MRPL35: variants seen among roughly 807,000 people sequenced by gnomAD.
MRPL35 encodes large ribosomal subunit protein bL35m.
In MRPL35, 18 loss-of-function variants were observed where a neutral mutation model predicts 21.6. That is an observed-to-expected ratio of 0.83 (90% confidence interval 0.58 to 1.24). The LOEUF (loss-of-function observed/expected upper bound fraction) is 1.24. Among genes scored for constraint, MRPL35 ranks in the 50% most tolerant of loss-of-function variants. The pLI, the probability that MRPL35 is intolerant of heterozygous loss-of-function variation, is 0.00. For missense variants in MRPL35, 223 were observed against 223.2 expected (o/e 1.00, Z 0.01); for synonymous variants, 87 against 86.9 (o/e 1.00, Z -0.01).
At chr2:86,201,809 C>T (rs540346929) in intron 1 of MRPL35, among the ~76,000 whole-genome samples, 1 of 152,326 alleles carries the variant, frequency 6.6e-6, no homozygotes, top group African/African-American at 2.4e-5. Flanking sequence ...GTCACAGTCT[C>T]CTCCACTCCC....
chr2:86,208,103 A>C (rs1673837694), intron 3 of MRPL35, among the ~76,000 whole-genome samples: 1 of 152,194 alleles, frequency 6.6e-6, no homozygotes, highest in South Asian at 2.1e-4. Flanking sequence ...CCCGTTTTAT[A>C]AACAGTACTA....
intron 1 of MRPL35, among the ~76,000 whole-genome samples, chr2:86,204,855 A>G (rs1673760885): frequency 6.6e-6 from 1 of 152,260 alleles, no homozygotes; most frequent in Non-Finnish European, 1.5e-5. Context: ...CAAGTTGAAA[A>G]AAAGTATAAC....
At position 86,212,600 on chromosome 2, in the gene MRPL35, C is replaced by CT. The variant is rs1422316421; in HGVS notation, c.*1933dup. On this transcript the variant is annotated 3_prime_UTR_variant, in exon 4 of 4. Transcript: ENST00000337109. The stretch of plus-strand genomic sequence containing the variant: ...TTGCAAATATGGATGACAAGGGTCT[C>CT]TGTTACAGGGGCCTCAGAGCACCTT... 3.5e-6 allele frequency: 5 copies of CT among 1,439,384 alleles called. No individual in the cohort carries two copies. The highest frequency in any genetic ancestry group is 1.5e-5 in the South Asian group (1 of 65,464). The allele number at this position is 1,439,384 out of a possible 1,614,324, so 89.2% of individuals were successfully genotyped here.
Position 86,210,732 on chromosome 2 carries a change from A to G in MRPL35, c.*64A>G. The G allele has an allele frequency of 6.7e-7, 1 of 1,500,306 alleles. No homozygotes were observed. 92.9% of individuals were successfully genotyped at this position (1,500,306 alleles called of 1,614,324 possible). On this transcript the variant is annotated 3_prime_UTR_variant, in exon 4 of 4. Coordinates refer to ENST00000337109, the MANE Select transcript of MRPL35 (RefSeq NM_016622.4). ...ATCTTTGTGTACATATCTTTGCAAA[A>G]ATGGATAAGTACAAAACTTGATGTA...
At chr2:86,202,362 C>T (rs1159082141) in intron 1 of MRPL35, among the ~76,000 whole-genome samples, 2 of 152,178 alleles carry the variant, frequency 1.3e-5, no homozygotes, top group Non-Finnish European at 2.9e-5. Flanking sequence ...ATTAACAAGC[C>T]ATTGTTCCCA....
At chr2:86,206,053 A>G in intron 1 of MRPL35, 53 bp from the exon 2 acceptor site, 1 of 1,421,332 alleles carries the variant, frequency 7.0e-7, no homozygotes, top group African/African-American at 1.4e-5. Context: ...TTAATTTTTA[A>G]TATCTGGATG....
chr2:86,209,064 G>A (rs1211539392), intron 3 of MRPL35, among the ~76,000 whole-genome samples: 1 of 152,034 alleles, frequency 6.6e-6, no homozygotes, highest in Admixed American at 6.5e-5. Context: ...AATAAATTAG[G>A]TGTTTGTACG....
chr2:86,208,141 ACT>A (rs747502317), intron 3 of MRPL35, among the ~76,000 whole-genome samples: 1 of 151,970 alleles, frequency 6.6e-6, no homozygotes, highest in South Asian at 2.1e-4. Flanking sequence ...GTTGGTTGGA[ACT>A]CTCAGCTCAT....
intron 3 of MRPL35, among the ~76,000 whole-genome samples, chr2:86,209,484 A>C (rs561082719): frequency 6.6e-6 from 1 of 152,176 alleles, no homozygotes; most frequent in Non-Finnish European, 1.5e-5. Context: ...TAATCAATCA[A>C]ATTTTCCTTT....
chr2:86,213,427 C>A lies in MRPL35; in HGVS notation c.*2759C>A. 7.8e-7 allele frequency: 1 copy of A among 1,285,154 alleles called. No individual in the cohort carries two copies. The allele number at this position is 1,285,154 out of a possible 1,614,324, so 79.6% of individuals were successfully genotyped here. The stretch of plus-strand genomic sequence containing the variant: ...CTTTTCTTACTGCTGCTTTATTTTA[C>A]AGTGATTTTGTCAAACATAGAATAC... On this transcript the variant is annotated 3_prime_UTR_variant, in exon 4 of 4. Coordinates refer to ENST00000337109, the MANE Select transcript of MRPL35 (RefSeq NM_016622.4).
rs757145763 is a variant in MRPL35 at position 86,213,026 on chromosome 2, C to T, written c.*2358C>T. On this transcript the variant is annotated 3_prime_UTR_variant, in exon 4 of 4. Coordinates refer to ENST00000337109, the MANE Select transcript of MRPL35 (RefSeq NM_016622.4). ...CAAAGGACATAATGATTAGTTAAGC[C>T]CTAATTTAGATTTGAGGAAACTGAA... 23 of 832,700 alleles carry T rather than the reference C, an allele frequency of 2.8e-5. No homozygotes were observed. Among genetic ancestry groups the T allele is most frequent in the Non-Finnish European group, 3.0e-5 (21 of 690,946 alleles). The allele number at this position is 832,700 out of a possible 1,614,324, so 51.6% of individuals were successfully genotyped here. A position where few individuals can be genotyped will look rare whatever the true frequency, so the allele number is the denominator to read the frequency against.
chr2:86,203,214 G>T (rs918546268), intron 1 of MRPL35, among the ~76,000 whole-genome samples: 1 of 151,744 alleles, frequency 6.6e-6, no homozygotes, highest in Non-Finnish European at 1.5e-5. Flanking sequence ...CAAGTAGCTG[G>T]GACTACAGGC....
intron 3 of MRPL35, among the ~76,000 whole-genome samples, chr2:86,208,146 C>A (rs180833830): frequency 2.0e-5 from 3 of 152,138 alleles, no homozygotes; most frequent in Non-Finnish European, 2.9e-5. Flanking sequence ...TTGGAACTCT[C>A]AGCTCATTTC....
In MRPL35 at chr2:86,212,527, AG is replaced by A; in HGVS notation, c.*1860del. On this transcript the variant is annotated 3_prime_UTR_variant, in exon 4 of 4. Coordinates refer to ENST00000337109, the MANE Select transcript of MRPL35 (RefSeq NM_016622.4). ...GTAGTGAGATGGAAATGGTGCCTGCAGAAGTTGGGGAGAAGGATACTTTTGC... is the reference window on the plus strand; with the variant it reads ...GTAGTGAGATGGAAATGGTGCCTGCAAAGTTGGGGAGAAGGATACTTTTGC... 6.3e-7 allele frequency: 1 copy of A among 1,599,232 alleles called. No individual in the cohort carries two copies.
Position 86,207,273 on chromosome 2 carries a change from A to T in MRPL35, c.324A>T (p.Lys108Asn). 1.2e-6 allele frequency: 2 copies of T among 1,614,088 alleles called. No homozygotes were observed. The highest frequency in any genetic ancestry group is 1.7e-6 in the Non-Finnish European group (2 of 1,179,946). ...SARKGKRKTV[K>N]AVIDRFLRLH... is the part of the protein sequence containing the mutation. ...GAAAAGGCAAGAGAAAGACCGTGAA[A>T]GCTGTCATCGATAGGTTTCTTCGAC... Residue 108 changes from lysine to asparagine, a missense_variant, in exon 3 of 4, where the codon AAA becomes AAT. Physicochemically the swap from Lys to Asn is moderately conservative, Grantham distance 94 (BLOSUM62 0). Coordinates refer to ENST00000337109, the MANE Select transcript of MRPL35 (RefSeq NM_016622.4).
Position 86,207,272 on chromosome 2 carries a change from A to G in MRPL35, c.323A>G (p.Lys108Arg). 1 of 1,614,100 alleles carries G rather than the reference A, an allele frequency of 6.2e-7. No homozygotes were observed. The highest frequency in any genetic ancestry group is 8.5e-7 in the Non-Finnish European group (1 of 1,179,952). The change falls in exon 3 of 4, where the codon AAA becomes AGA. Residue 108 changes from lysine to arginine, a missense_variant. Lys to Arg is a conservative substitution (Grantham distance 26). Transcript: ENST00000337109. ...AGAAAAGGCAAGAGAAAGACCGTGA[A>G]AGCTGTCATCGATAGGTTTCTTCGA... ...SARKGKRKTV[K>R]AVIDRFLRLH...
rs1028881013 is a variant in MRPL35, at chr2:86,206,032, T to C, written c.44-74T>C. On this transcript the variant is annotated intron_variant, in intron 1 of 3. Transcript: ENST00000337109. ...AATTATGTTTAATACTTGGTGGCAGTGATACATCTCTTAATTTTTAATATC... is the reference window on the plus strand; with the variant it reads ...AATTATGTTTAATACTTGGTGGCAGCGATACATCTCTTAATTTTTAATATC... 3.9e-6 allele frequency: 5 copies of C among 1,290,148 alleles called. No homozygotes were observed. The African/African-American group carries it at 5.9e-5, about 15-fold the overall frequency. The allele number at this position is 1,290,148 out of a possible 1,614,324, so 79.9% of individuals were successfully genotyped here.
chr2:86,199,771 C>G (rs1000639324), intron 1 of MRPL35, among the ~76,000 whole-genome samples: 1 of 152,114 alleles, frequency 6.6e-6, no homozygotes, highest in African/African-American at 2.4e-5. Context: ...CTTTTTTTCC[C>G]TAGAAAAGAA....
At position 86,210,532 on chromosome 2, in the gene MRPL35, T is replaced by A. The variant is rs1468380506; in HGVS notation, c.431T>A (p.Leu144Ter). The change falls in exon 4 of 4, where the codon TTG becomes TAG. Residue 144 changes from leucine to a stop codon, truncating the protein, a stop_gained. Transcript: ENST00000337109. LOFTEE classifies it high-confidence loss of function. ...WKKTPARKKR[L>*]REFVFCNKTQ... ...AAGACACCTGCAAGGAAGAAGCGAT[T>A]GAGGGAATTTGTATTCTGCAATAAA... The A allele has an allele frequency of 6.2e-7, 1 of 1,613,120 alleles. No homozygotes were observed. Among genetic ancestry groups the A allele is most frequent in the Non-Finnish European group, 8.5e-7 (1 of 1,179,640 alleles).
Sources: allele counts gnomAD v4.1 joint callset (sites outside exome capture counted in the v4.1 genomes callset), GRCh38; gene constraint gnomAD v4.1.1; transcripts MANE v1.5; gene names NCBI Gene and HGNC (gene_info 2026-07-23, HGNC 2026-07-21).